IL16: variants seen among roughly 807,000 people sequenced by gnomAD.
The protein encoded by IL16 is interleukin 16.
A neutral mutation model predicts 110.1 loss-of-function variants in IL16; 67 were observed. The ratio of observed to expected loss-of-function variants is 0.61; its 90% CI spans 0.50 to 0.75. The LOEUF is 0.75. IL16 is among the 30% of genes least tolerant of loss of function. The pLI is 0.00. For synonymous variants in IL16, 689 were observed against 662.9 expected, an observed-to-expected ratio of 1.04 and a Z score of -0.61; for missense variants, 1,545 against 1,655.0, an observed-to-expected ratio of 0.93 and a Z score of 1.15.
At chr15:81,193,697 G>A (rs561729781), upstream of IL16, among the ~76,000 whole-genome samples, 339 of 152,202 alleles carry the variant, frequency 2.2e-3, no homozygotes, top group Admixed American at 5.6e-3. Flanking sequence ...GCCGGGGAGC[G>A]GGAATCAAGG....
intron 9 of IL16, 107 bp downstream of exon 9, chr15:81,282,863 T>TCCACCACAAGATCA: frequency 1.0e-6 from 1 of 962,370 alleles, no homozygotes; most frequent in Non-Finnish European, 1.6e-6. Flanking sequence ...AAGAATGATC[T>TCCACCACAAGATCA]TGTGGTGGAG....
Position 81,225,619 on chromosome 15 carries a change from G to A in IL16, c.220G>A (p.Val74Ile), listed in dbSNP as rs768931011. 3.1e-6 allele frequency: 5 copies of A among 1,614,094 alleles called. No individual in the cohort carries two copies. Among genetic ancestry groups the A allele is most frequent in the African/African-American group, 1.3e-5 (1 of 75,028 alleles). Residue 74 changes from valine (V) to isoleucine (I), a missense_variant, in exon 2 of 19, where the codon GTT becomes ATT. Val to Ile is a conservative substitution (Grantham distance 29, BLOSUM62 3). This residue lies in a region of IL16 where 1,185 missense variants were observed against 1,238.8 expected (regional missense o/e 0.96). Coordinates refer to ENST00000683961, the MANE Select transcript of IL16 (RefSeq NM_172217.5). ...CACATCGGAGGCTGGGCCCAGCAGT[G>A]TTCCTGATCTAGCACTGGCCTCGGA... The part of the protein sequence containing the change: ...ADTSEAGPSS[V>I]PDLALASEAA...
chr15:81,298,079 C>G (rs772907844), intron 13 of IL16, among the ~76,000 whole-genome samples: 1 of 152,218 alleles, frequency 6.6e-6, no homozygotes, highest in Non-Finnish European at 1.5e-5. Context: ...GAGGTTGTCA[C>G]TCCAATCTGC....
chr15:81,275,586 T>C (rs1462095334), intron 6 of IL16, among the ~76,000 whole-genome samples: 2 of 152,076 alleles, frequency 1.3e-5, no homozygotes, highest in Non-Finnish European at 2.9e-5. Flanking sequence ...GAAAAGAGAA[T>C]ATTGTGTTTT....
chr15:81,255,425 C>T (rs1897910361), intron 2 of IL16, among the ~76,000 whole-genome samples: 1 of 152,244 alleles, frequency 6.6e-6, no homozygotes, highest in Admixed American at 6.5e-5. Flanking sequence ...CCAGCTACTT[C>T]AGAGACTGGC....
chr15:81,219,558 G>C (rs1896546855), intron 1 of IL16, among the ~76,000 whole-genome samples: 1 of 152,160 alleles, frequency 6.6e-6, no homozygotes, highest in African/African-American at 2.4e-5. Context: ...GCTCATGCCT[G>C]TGCACTGATG....
At chr15:81,282,842 C>A in intron 9 of IL16, 86 bp downstream of exon 9, 1 of 1,046,212 alleles carries the variant, frequency 9.6e-7, no homozygotes, top group Non-Finnish European at 1.5e-6. Context: ...TTGATTTGGA[C>A]ATGAGCTATA....
intron 1 of IL16, among the ~76,000 whole-genome samples, chr15:81,207,964 T>C (rs1424285069): frequency 6.6e-6 from 1 of 152,030 alleles, no homozygotes; most frequent in Non-Finnish European, 1.5e-5. Context: ...CTGATTTCCA[T>C]AGTGGCCAAA....
intron 1 of IL16, among the ~76,000 whole-genome samples, chr15:81,189,471 G>A (rs563801185): frequency 1.3e-3 from 196 of 152,214 alleles, no homozygotes; most frequent in Non-Finnish European, 2.4e-3. Flanking sequence ...ACAGAGTCTT[G>A]CTGTAGAGAC....
chr15:81,288,935 A>G (rs1899582328), intron 10 of IL16, among the ~76,000 whole-genome samples: 1 of 152,076 alleles, frequency 6.6e-6, no homozygotes, highest in Non-Finnish European at 1.5e-5. Flanking sequence ...ATAATGCTAC[A>G]ATGAACGTGG....
chr15:81,292,647 G>C lies in IL16; in HGVS notation c.1512G>C (p.Gln504His). Residue 504 changes from glutamine (Q) to histidine (H), a missense_variant, in exon 12 of 19, where the codon CAG becomes CAC. By Grantham distance (24) the Gln-to-His change is conservative. Transcript: ENST00000683961. ...CAGCACCCCCGCATCGCAGGGCTCAGAAGGTCATGATCCGCTCCAGCAGTG... is the reference window on the plus strand; with the variant it reads ...CAGCACCCCCGCATCGCAGGGCTCACAAGGTCATGATCCGCTCCAGCAGTG... The part of the protein sequence containing the change: ...KNSAPPHRRA[Q>H]KVMIRSSSDS... The C allele has an allele frequency of 6.2e-7, 1 of 1,613,758 alleles. No individual in the cohort carries two copies. The highest frequency in any genetic ancestry group is 1.1e-5 in the South Asian group (1 of 91,068).
At chr15:81,232,104 G>T (rs1897027301) in intron 2 of IL16, among the ~76,000 whole-genome samples, 2 of 79,744 alleles carry the variant, frequency 2.5e-5, no homozygotes, top group Non-Finnish European at 2.8e-5. Context: ...ACTAGACTTG[G>T]TTTTTCCGTT....
chr15:81,237,974 G>A (rs1024486983), intron 2 of IL16, among the ~76,000 whole-genome samples: 5 of 151,772 alleles, frequency 3.3e-5, no homozygotes, highest in African/African-American at 7.3e-5. Flanking sequence ...ATGCAATCTC[G>A]GCTCACTGCA....
In IL16 at chr15:81,313,313, G is replaced by A; in HGVS notation, c.*4515G>A. On this transcript the variant is annotated 3_prime_UTR_variant, in exon 19 of 19. Transcript: ENST00000683961. ...GGTTGGCATAAAACCGGGTCATGCT[G>A]CGGGGGAAGAAGGAGTCCACCACGT... is the stretch of plus-strand genomic sequence containing the variant. 1 of 1,579,788 alleles carries A rather than the reference G, an allele frequency of 6.3e-7. No individual in the cohort carries two copies. The highest frequency in any genetic ancestry group is 8.6e-7 in the Non-Finnish European group (1 of 1,163,426).
At chr15:81,207,063 C>T (rs1408335339) in intron 1 of IL16, among the ~76,000 whole-genome samples, 1 of 142,890 alleles carries the variant, frequency 7.0e-6, no homozygotes, top group Non-Finnish European at 1.5e-5. Flanking sequence ...GAAACCCCGT[C>T]TCTACTAAAA....
rs774604285 is a variant in IL16, at chr15:81,292,610, G to C, written c.1475G>C (p.Arg492Pro). 13 of 1,607,202 alleles carry C rather than the reference G, an allele frequency of 8.1e-6. No individual in the cohort carries two copies. Among genetic ancestry groups the C allele is most frequent in the Admixed American group, 1.7e-5 (1 of 59,796 alleles). The change falls in exon 12 of 19, where the codon CGA becomes CCA. Residue 492 changes from arginine to proline, a missense_variant. This residue lies in a region of IL16 where 1,185 missense variants were observed against 1,238.8 expected (regional missense o/e 0.96). Transcript: ENST00000683961. The stretch of plus-strand genomic sequence containing the variant: ...GGGCGGCCCACCTTGGAGAAGGAAC[G>C]AGAGAAGAACTCAGCACCCCCGCAT... The part of the protein sequence containing the change: ...WHGRPTLEKE[R>P]EKNSAPPHRR...
chr15:81,236,685 G>T (rs1022857902), intron 2 of IL16, among the ~76,000 whole-genome samples: 10 of 152,200 alleles, frequency 6.6e-5, no homozygotes, highest in Non-Finnish European at 1.2e-4. Flanking sequence ...GCCGGGCGCG[G>T]TGGCTCATGC....
At chr15:81,285,669 C>CTGA (rs1899412866) in intron 9 of IL16, 29 bp from the exon 10 acceptor site, 1 of 1,612,336 alleles carries the variant, frequency 6.2e-7, no homozygotes, top group Admixed American at 1.7e-5. Flanking sequence ...GATTCACTTA[C>CTGA]TGATGGCTTC....
At chr15:81,219,362 C>T (rs1896539427) in intron 1 of IL16, among the ~76,000 whole-genome samples, 1 of 152,036 alleles carries the variant, frequency 6.6e-6, no homozygotes, top group Non-Finnish European at 1.5e-5. Flanking sequence ...TGGATATGCC[C>T]TTATCTATCT....
Sources: allele counts gnomAD v4.1 joint callset (sites outside exome capture counted in the v4.1 genomes callset), GRCh38; gene constraint gnomAD v4.1.1; regional missense constraint gnomAD v4.1.1; transcripts MANE v1.5; gene names NCBI Gene and HGNC (gene_info 2026-07-23, HGNC 2026-07-21).